The following DOK6 variants were observed in gnomAD, a reference collection of about 807,000 sequenced individuals.
The protein encoded by DOK6 is docking protein 6.
DOK6 carries 22 observed loss-of-function variants against 44.0 expected under a neutral mutation model. The observed-to-expected ratio is 0.50, with a 90% confidence interval of 0.36 to 0.71. DOK6 has a LOEUF of 0.71. Ranked by LOEUF, DOK6 falls within the 30% of genes least tolerant of loss-of-function variation. The probability of loss-of-function intolerance (pLI) is 0.00; values close to 1 mark genes in which losing one functional copy is unlikely to be tolerated. For synonymous variants in DOK6, 166 were observed against 145.5 expected, an observed-to-expected ratio of 1.14 and a Z score of -1.01; for missense variants, 340 against 416.4, an observed-to-expected ratio of 0.82 and a Z score of 1.60.
Position 69,454,826 on chromosome 18 carries a change from G to A in DOK6, c.66+53516G>A, listed in dbSNP as rs375113901. Among the ~76,000 whole-genome samples the A allele has an allele frequency of 4.8e-5, 7 of 144,894 alleles. No homozygotes were observed. The East Asian group carries it at 6.3e-4, about 13-fold the overall frequency. ...TCGCAAGAACAAAAAACCAAACACCGCATATTCTCACTCATAGGTGGGAAT... is the reference window on the plus strand; with the variant it reads ...TCGCAAGAACAAAAAACCAAACACCACATATTCTCACTCATAGGTGGGAAT... On this transcript the variant is annotated intron_variant, in intron 1 of 7. Transcript: ENST00000382713.
At chr18:69,678,312 T>C (rs1047786245) in intron 4 of DOK6, among the ~76,000 whole-genome samples, 5 of 152,274 alleles carry the variant, frequency 3.3e-5, no homozygotes, top group Non-Finnish European at 7.4e-5. Flanking sequence ...CACAATGGTG[T>C]AACAACTGGA....
At position 69,551,222 on chromosome 18, in the gene DOK6, G is replaced by A. The variant is rs117665583; in HGVS notation, c.67-13265G>A. On this transcript the variant is annotated intron_variant, in intron 1 of 7. Transcript: ENST00000382713. ...GTTGAAATCATAAATTCATTTGTCC[G>A]AGAAAATAACACAGTTACATTAAAA... Among the ~76,000 whole-genome samples, 287 of 152,190 alleles carry A rather than the reference G, an allele frequency of 1.9e-3. 1 individual carries two copies. The highest frequency in any genetic ancestry group is 3.4e-3 in the Middle Eastern group (1 of 294).
intron 7 of DOK6, among the ~76,000 whole-genome samples, chr18:69,784,590 G>T (rs1980376276): frequency 6.6e-6 from 1 of 151,894 alleles, no homozygotes; most frequent in Admixed American, 6.6e-5. Flanking sequence ...AGTGAAAATG[G>T]CTATCCGTCA....
At chr18:69,565,176 T>C (rs1982939000) in intron 2 of DOK6, among the ~76,000 whole-genome samples, 2 of 152,152 alleles carry the variant, frequency 1.3e-5, no homozygotes, top group Admixed American at 1.3e-4. Context: ...AGCTAGGTAT[T>C]TTATAGTAAT....
intron 1 of DOK6, among the ~76,000 whole-genome samples, chr18:69,436,714 A>G (rs778164315): frequency 1.5e-4 from 23 of 152,216 alleles, no homozygotes; most frequent in Non-Finnish European, 2.5e-4. Flanking sequence ...TTCTGGTTCT[A>G]GATCCTTGAG....
At position 69,787,928 on chromosome 18, in the gene DOK6, C is replaced by T. The variant is rs149288295; in HGVS notation, c.856+30055C>T. ...ACTTTAGACTAAATATATTCAGCCT[C>T]GGCAATTAGCTTACTTTTGAGGGTG... On this transcript the variant is annotated intron_variant, in intron 7 of 7. Coordinates refer to ENST00000382713, the MANE Select transcript of DOK6 (RefSeq NM_152721.6). Among the ~76,000 whole-genome samples, 7 of 152,300 alleles carry T rather than the reference C, an allele frequency of 4.6e-5. 1 individual carries two copies. Among genetic ancestry groups the T allele is most frequent in the Non-Finnish European group, 7.4e-5 (5 of 68,022 alleles).
At chr18:69,672,498 A>C (rs1414991844) in intron 3 of DOK6, among the ~76,000 whole-genome samples, 1 of 152,186 alleles carries the variant, frequency 6.6e-6, no homozygotes, top group African/African-American at 2.4e-5. Flanking sequence ...AGCTGGGATT[A>C]CAGGCGCGCA....
At chr18:69,455,245 A>G (rs1039200342) in intron 1 of DOK6, among the ~76,000 whole-genome samples, 18 of 152,118 alleles carry the variant, frequency 1.2e-4, no homozygotes, top group Admixed American at 3.9e-4. Context: ...AAAAGCACAG[A>G]ACATCATGAA....
At position 69,846,305 on chromosome 18, in the gene DOK6, G is replaced by C. The variant is rs954476319; in HGVS notation, c.*4922G>C. ...CCATGGATGCTGTAATTTGTTTAAC[G>C]GCAAAGAAAGAGCCAAGAATTGTTT... On this transcript the variant is annotated 3_prime_UTR_variant, in exon 8 of 8. Transcript: ENST00000382713. 6.6e-6 allele frequency: 1 copy of C among 152,116 alleles called. No homozygotes were observed. The highest frequency in any genetic ancestry group is 1.5e-5 in the Non-Finnish European group (1 of 68,046). The allele number at this position is 152,116 out of a possible 1,614,324, so 9.4% of individuals were successfully genotyped here. A position where few individuals can be genotyped will look rare whatever the true frequency, so the allele number is the denominator to read the frequency against.
intron 7 of DOK6, among the ~76,000 whole-genome samples, chr18:69,801,175 C>T (rs1207717083): frequency 6.6e-6 from 1 of 151,888 alleles, no homozygotes; most frequent in Non-Finnish European, 1.5e-5. Context: ...TTTAATCAGC[C>T]TTTTCCTCAG....
chr18:69,435,729 T>C (rs1285014574), intron 1 of DOK6, among the ~76,000 whole-genome samples: 1 of 152,168 alleles, frequency 6.6e-6, no homozygotes, highest in Non-Finnish European at 1.5e-5. Flanking sequence ...CTAAAGTATT[T>C]CCAACTTATT....
chr18:69,526,663 T>G (rs1335093867), intron 1 of DOK6, among the ~76,000 whole-genome samples: 2 of 152,152 alleles, frequency 1.3e-5, no homozygotes, highest in Non-Finnish European at 2.9e-5. Flanking sequence ...TCTTAGTGAT[T>G]TCTAATTTCT....
Position 69,516,857 on chromosome 18 carries a change from TTC to T in DOK6, c.67-47628_67-47627del, listed in dbSNP as rs1491238807. Among the ~76,000 whole-genome samples the T allele has an allele frequency of 2.2e-4, 33 of 150,212 alleles. 1 individual carries two copies. Among genetic ancestry groups the T allele is most frequent in the Admixed American group, 2.0e-4 (3 of 15,080 alleles). On this transcript the variant is annotated intron_variant, in intron 1 of 7. Coordinates refer to ENST00000382713, the MANE Select transcript of DOK6 (RefSeq NM_152721.6). ...CGCACGGCTAATTTTTTTTTTTTTT[TTC>T]TAGTGAAGACGACCGTTTCACCATA...
chr18:69,474,911 T>C (rs1599148410), intron 1 of DOK6, among the ~76,000 whole-genome samples: 2 of 152,332 alleles, frequency 1.3e-5, no homozygotes, highest in East Asian at 3.9e-4. Flanking sequence ...TGCAACAGAA[T>C]GTAATGTTTT....
chr18:69,413,716 C>T (rs1043559986), intron 1 of DOK6, among the ~76,000 whole-genome samples: 9 of 151,820 alleles, frequency 5.9e-5, no homozygotes, highest in Non-Finnish European at 1.3e-4. Flanking sequence ...ACAACAAAAT[C>T]ATGATCCATA....
chr18:69,680,333 C>G (rs1328651263), intron 4 of DOK6, among the ~76,000 whole-genome samples: 2 of 152,164 alleles, frequency 1.3e-5, no homozygotes, highest in African/African-American at 2.4e-5. Flanking sequence ...AATCTCCCTC[C>G]CCTTAAAGGA....
chr18:69,717,658 T>A (rs918409681), intron 5 of DOK6, among the ~76,000 whole-genome samples: 1 of 152,182 alleles, frequency 6.6e-6, no homozygotes, highest in Admixed American at 6.5e-5. Context: ...CAAGCCAAAG[T>A]AAGCAGGTTA....
chr18:69,437,351 G>A (rs1249935850), intron 1 of DOK6, among the ~76,000 whole-genome samples: 2 of 152,074 alleles, frequency 1.3e-5, no homozygotes, highest in African/African-American at 2.4e-5. Context: ...TAAGAAAGGG[G>A]TCCAGTTTCA....
chr18:69,449,757 C>A (rs1359503916), intron 1 of DOK6, among the ~76,000 whole-genome samples: 2 of 151,670 alleles, frequency 1.3e-5, no homozygotes, highest in Non-Finnish European at 2.9e-5. Flanking sequence ...TGACCCCTGA[C>A]CCCCGAGCAG....
Sources: gnomAD v4.1 joint callset for allele counts (sites outside exome capture counted in the v4.1 genomes callset) on GRCh38, gnomAD v4.1.1 for gene constraint, MANE v1.5 for transcripts, NCBI Gene and HGNC (gene_info 2026-07-23, HGNC 2026-07-21) for gene names.